Variants in DPP10 observed in about 807,000 individuals in gnomAD.
DPP10 encodes inactive dipeptidyl peptidase 10.
DPP10 carries 33 observed loss-of-function variants against 120.9 expected under a neutral mutation model. That is an observed-to-expected ratio of 0.27 (90% CI 0.21 to 0.37). DPP10 has a LOEUF of 0.37. DPP10 is among the 10% of genes least tolerant of loss of function. The probability of loss-of-function intolerance (pLI) is 1.00; values close to 1 mark genes in which losing one functional copy is unlikely to be tolerated. For missense variants in DPP10, 816 were observed against 942.8 expected (o/e 0.87, Z 1.76); for synonymous variants, 337 against 326.1 (o/e 1.03, Z -0.36).
intron 1 of DPP10, among the ~76,000 whole-genome samples, chr2:114,548,530 C>G (rs1687608648): frequency 6.6e-6 from 1 of 152,162 alleles, no homozygotes. Flanking sequence ...GGAGAGATAT[C>G]TAGAAACTGC....
intron 1 of DPP10, among the ~76,000 whole-genome samples, chr2:114,716,879 T>C (rs1394251793): frequency 2.0e-5 from 3 of 152,234 alleles, no homozygotes; most frequent in Non-Finnish European, 4.4e-5. Flanking sequence ...CTCCATTTTA[T>C]ACTTGACCCA....
intron 3 of DPP10, among the ~76,000 whole-genome samples, chr2:115,410,981 T>C (rs1365242834): frequency 6.6e-6 from 1 of 152,176 alleles, no homozygotes; most frequent in Non-Finnish European, 1.5e-5. Context: ...GTAAAACTTT[T>C]CTGTGGTTAA....
intron 7 of DPP10, among the ~76,000 whole-genome samples, chr2:115,692,860 G>T (rs2091391258): frequency 6.6e-6 from 1 of 152,010 alleles, no homozygotes; most frequent in African/African-American, 2.4e-5. Context: ...GCTTATTAGT[G>T]AAATAGGGTA....
intron 1 of DPP10, among the ~76,000 whole-genome samples, chr2:114,782,903 G>A (rs1682454257): frequency 6.6e-6 from 1 of 152,008 alleles, no homozygotes; most frequent in African/African-American, 2.4e-5. Context: ...TCAGCTTTTT[G>A]TTACAAAAAG....
At chr2:114,816,141 CTG>C (rs1369683858) in intron 1 of DPP10, among the ~76,000 whole-genome samples, 3 of 152,214 alleles carry the variant, frequency 2.0e-5, no homozygotes, top group Admixed American at 1.3e-4. Flanking sequence ...CCAGCTGACA[CTG>C]TGCGCCAGTC....
chr2:115,658,597 GT>G (rs1023016774), intron 5 of DPP10, among the ~76,000 whole-genome samples: 1 of 152,092 alleles, frequency 6.6e-6, no homozygotes, highest in African/African-American at 2.4e-5. Context: ...TAAATGTGGT[GT>G]TTGTGAAACT....
chr2:115,512,533 A>C (rs948515583), intron 4 of DPP10, among the ~76,000 whole-genome samples: 1 of 151,810 alleles, frequency 6.6e-6, no homozygotes, highest in Admixed American at 6.6e-5. Flanking sequence ...TTTTACAGCT[A>C]ATAATTTCCC....
intron 1 of DPP10, among the ~76,000 whole-genome samples, chr2:114,527,286 A>G (rs972205991): frequency 1.3e-5 from 2 of 152,150 alleles, no homozygotes; most frequent in Non-Finnish European, 2.9e-5. Context: ...CTCTCTATAA[A>G]AAATTGAATT....
intron 17 of DPP10, among the ~76,000 whole-genome samples, chr2:115,787,068 C>A (rs1054330709): frequency 6.6e-6 from 1 of 152,170 alleles, no homozygotes; most frequent in Non-Finnish European, 1.5e-5. Context: ...GAGCAAAGGT[C>A]ATTCAAATAC....
At chr2:115,721,117 A>C (rs116448564) in intron 7 of DPP10, among the ~76,000 whole-genome samples, 234 of 152,330 alleles carry the variant, frequency 1.5e-3, no homozygotes, top group Non-Finnish European at 2.7e-3. Flanking sequence ...GGAATTCACA[A>C]ACATTTTAGG....
chr2:115,250,747 G>A (rs1331736032), intron 1 of DPP10, among the ~76,000 whole-genome samples: 1 of 152,094 alleles, frequency 6.6e-6, no homozygotes, highest in Non-Finnish European at 1.5e-5. Flanking sequence ...GAGTGGTATT[G>A]AGGTTCCCAC....
chr2:114,863,409 A>G lies in DPP10; in HGVS notation c.60+420571A>G, dbSNP rs1447423035. On this transcript the variant is annotated intron_variant, in intron 1 of 25. Transcript: ENST00000410059. ...AGTAAAGTTGGGTGGGACTGGTGAG[A>G]TGAAGTGAAGTATCAGACGTCGTGT... 3.9e-5 allele frequency among the ~76,000 whole-genome samples: 6 copies of G among 152,070 alleles called. 1 individual carries two copies. Among genetic ancestry groups the G allele is most frequent in the Middle Eastern group, 6.3e-3 (2 of 316 alleles).
intron 1 of DPP10, among the ~76,000 whole-genome samples, chr2:115,165,364 A>G (rs1270241951): frequency 3.9e-5 from 6 of 152,352 alleles, no homozygotes; most frequent in South Asian, 2.1e-4. Flanking sequence ...TTTAACTTCT[A>G]TACAATCATG....
At chr2:115,514,549 A>G (rs749188013) in intron 4 of DPP10, among the ~76,000 whole-genome samples, 3 of 151,816 alleles carry the variant, frequency 2.0e-5, no homozygotes, top group African/African-American at 4.8e-5. Flanking sequence ...TTAAAACAAG[A>G]TAATGAAAAC....
At chr2:114,467,959 G>A (rs1388597790) in intron 1 of DPP10, among the ~76,000 whole-genome samples, 2 of 152,168 alleles carry the variant, frequency 1.3e-5, no homozygotes, top group East Asian at 1.9e-4. Flanking sequence ...GGTTGAGGTA[G>A]CAGTGAGCTG....
At chr2:115,200,055 A>G (rs1356969126) in intron 1 of DPP10, among the ~76,000 whole-genome samples, 1 of 152,200 alleles carries the variant, frequency 6.6e-6, no homozygotes, top group Admixed American at 6.6e-5. Flanking sequence ...TCTGGGTTCC[A>G]TCACTGTTTC....
At chr2:115,626,441 C>A (rs925019672) in intron 5 of DPP10, among the ~76,000 whole-genome samples, 5 of 152,058 alleles carry the variant, frequency 3.3e-5, no homozygotes, top group African/African-American at 1.2e-4. Flanking sequence ...ATCTTAAATT[C>A]ATCTGACTTT....
At chr2:114,840,043 A>G (rs1266234442) in intron 1 of DPP10, among the ~76,000 whole-genome samples, 1 of 152,124 alleles carries the variant, frequency 6.6e-6, no homozygotes, top group Non-Finnish European at 1.5e-5. Flanking sequence ...TTGGGGTAAT[A>G]TCTCTCCCCT....
chr2:114,596,158 T>TG (rs1337870902), intron 1 of DPP10, among the ~76,000 whole-genome samples: 1 of 151,444 alleles, frequency 6.6e-6, no homozygotes, highest in Non-Finnish European at 1.5e-5. Flanking sequence ...TATGCAACTT[T>TG]TTTAGCTCTT....
Sources: allele counts gnomAD v4.1 joint callset (sites outside exome capture counted in the v4.1 genomes callset), GRCh38; gene constraint gnomAD v4.1.1; transcripts MANE v1.5; gene names NCBI Gene and HGNC (gene_info 2026-07-23, HGNC 2026-07-21).